COL5A2: variants seen among roughly 807,000 people sequenced by gnomAD.
COL5A2 encodes collagen type V alpha 2 chain, also known as collagen alpha-2(V) chain.
Under a neutral mutation model 208.2 loss-of-function variants are expected in COL5A2, and 23 were observed. The ratio of observed to expected loss-of-function variants is 0.11; its 90% confidence interval spans 0.08 to 0.16. COL5A2 has a LOEUF of 0.16. Ranked by LOEUF, COL5A2 falls within the 10% of genes least tolerant of loss-of-function variation. The pLI, the probability that COL5A2 is intolerant of heterozygous loss-of-function variation, is 1.00. For missense variants in COL5A2, 1,590 were observed against 1,956.4 expected, an observed-to-expected ratio of 0.81 and a Z score of 3.53; for synonymous variants, 625 against 628.5, an observed-to-expected ratio of 0.99 and a Z score of 0.08.
chr2:189,184,272 GA>G (rs1165835252), upstream of COL5A2, among the ~76,000 whole-genome samples: 59 of 145,156 alleles, frequency 4.1e-4, no homozygotes, highest in East Asian at 1.0e-3. Context: ...CCTAAAATTT[GA>G]AAAAAAAAAA....
Position 189,071,998 on chromosome 2 carries a change from T to TC in COL5A2, c.1158+41dup, listed in dbSNP as rs755809908. The TC allele has an allele frequency of 1.1e-5, 14 of 1,280,576 alleles. No individual in the cohort carries two copies. In the African/African-American group the frequency reaches 1.9e-4, roughly 17 times the overall value. 79.3% of individuals were successfully genotyped at this position (1,280,576 alleles called of 1,614,324 possible). A position where few individuals can be genotyped will look rare whatever the true frequency, so the allele number is the denominator to read the frequency against. ...ATTCTTCACTTTGGGACTCATGTAA[T>TC]CATGTAGCGTTAAATACTGTATATT... On this transcript the variant is annotated intron_variant, in intron 18 of 53. Coordinates refer to ENST00000374866, the MANE Select transcript of COL5A2 (RefSeq NM_000393.5).
At chr2:189,356,368 C>T in the COL5A2 span, among the ~76,000 whole-genome samples, 1 of 151,890 alleles carries the variant, frequency 6.6e-6, no homozygotes, top group South Asian at 2.1e-4. Context: ...CTTTCAGTTA[C>T]ACCAATCAAA....
rs1687959087 is a variant in COL5A2 at position 189,142,783 on chromosome 2, C to T, written c.98-32334G>A. ...CCTTTCTCAAACCTCAGCAATTGCC[C>T]TCAGTCGCACTCTGGCCCAATAACA... is the stretch of plus-strand genomic sequence containing the variant. On this transcript the variant is annotated intron_variant, in intron 1 of 53. Coordinates refer to ENST00000374866, the MANE Select transcript of COL5A2 (RefSeq NM_000393.5). 2.6e-5 allele frequency among the ~76,000 whole-genome samples: 4 copies of T among 152,176 alleles called. No individual in the cohort carries two copies. In the South Asian group the frequency reaches 8.3e-4, roughly 32 times the overall value.
the COL5A2 span, among the ~76,000 whole-genome samples, chr2:189,376,783 A>C: frequency 6.6e-6 from 1 of 152,212 alleles, no homozygotes; most frequent in East Asian, 1.9e-4. Context: ...CAAAGCACTT[A>C]TATCCACCTG....
At chr2:189,392,747 T>A in the COL5A2 span, among the ~76,000 whole-genome samples, 2 of 152,134 alleles carry the variant, frequency 1.3e-5, no homozygotes, top group African/African-American at 4.8e-5. Flanking sequence ...ATCATACTCA[T>A]CAAATGGCCC....
At chr2:189,123,798 T>C (rs944044117) in intron 1 of COL5A2, among the ~76,000 whole-genome samples, 12 of 152,306 alleles carry the variant, frequency 7.9e-5, no homozygotes, top group African/African-American at 2.9e-4. Context: ...ATTTTCCACA[T>C]AGTCCTAACA....
rs1019506931 is a variant in COL5A2 at position 189,060,767 on chromosome 2, G to A, written c.2048C>T (p.Pro683Leu). The A allele has an allele frequency of 5.0e-6, 8 of 1,613,486 alleles. No individual in the cohort carries two copies. The highest frequency in any genetic ancestry group is 3.4e-6 in the Non-Finnish European group (4 of 1,179,554). The change falls in exon 31 of 54, where the codon CCA becomes CTA. Residue 683 changes from proline to leucine, a missense_variant. Coordinates refer to ENST00000374866, the MANE Select transcript of COL5A2 (RefSeq NM_000393.5). ...PTGFQGLPGP[P>L]GPPGEGGKPG... is the part of the protein sequence containing the mutation. ...TTTTCCACCTTCTCCAGGAGGCCCTGGAGGACCAGGAAGCCCCTAAAACAA... is the reference window on the plus strand; with the variant it reads ...TTTTCCACCTTCTCCAGGAGGCCCTAGAGGACCAGGAAGCCCCTAAAACAA...
intron 1 of COL5A2, among the ~76,000 whole-genome samples, chr2:189,224,369 T>A (rs1689385768): frequency 6.6e-6 from 1 of 151,944 alleles, no homozygotes; most frequent in Admixed American, 6.6e-5. Flanking sequence ...TATAATAAAA[T>A]ATGAAAGAGG....
At chr2:189,382,400 T>G in the COL5A2 span, among the ~76,000 whole-genome samples, 1 of 152,072 alleles carries the variant, frequency 6.6e-6, no homozygotes, top group African/African-American at 2.4e-5. Flanking sequence ...AAATAAAGAT[T>G]TTTTAAAGAC....
the COL5A2 span, among the ~76,000 whole-genome samples, chr2:189,338,518 C>T: frequency 6.6e-6 from 1 of 152,054 alleles, no homozygotes; most frequent in African/African-American, 2.4e-5. Flanking sequence ...AGCCAGCTCC[C>T]CCATTCTTCA....
chr2:189,085,850 G>T, intron 9 of COL5A2, 78 bp from the exon 10 acceptor site: 1 of 1,213,214 alleles, frequency 8.2e-7, no homozygotes. Flanking sequence ...AATATACAGT[G>T]TAATTGTTTA....
chr2:189,230,673 T>A, the COL5A2 span, among the ~76,000 whole-genome samples: 5 of 151,878 alleles, frequency 3.3e-5, no homozygotes, highest in African/African-American at 4.8e-5. Flanking sequence ...TTATGTTTTT[T>A]AAAAATAACA....
chr2:189,066,530 A>G, intron 22 of COL5A2, 33 bp from the exon 23 acceptor site: 2 of 1,600,014 alleles, frequency 1.2e-6, no homozygotes, highest in Non-Finnish European at 1.7e-6. Flanking sequence ...TACCAGAAAG[A>G]CCCATCCAAC....
In COL5A2 at chr2:189,039,396, C is replaced by A. The variant is rs1685510645; in HGVS notation, c.3801G>T (p.Gly1267=). 1.2e-6 allele frequency: 2 copies of A among 1,613,918 alleles called. No individual in the cohort carries two copies. The highest frequency in any genetic ancestry group is 2.2e-5 in the South Asian group (2 of 91,044). ...APDDKNKTDP[G]VHATLKSLSS... The stretch of plus-strand genomic sequence containing the variant: ...TGAGTGACTTCAGGGTAGCATGAAC[C>A]CCTGGGTCCGTTTTGTTTTTGTCAT... Residue 1267 remains glycine, a synonymous_variant, in exon 51 of 54, where the codon GGG becomes GGT. Coordinates refer to ENST00000374866, the MANE Select transcript of COL5A2 (RefSeq NM_000393.5).
Position 189,033,742 on chromosome 2 carries a change from T to C in COL5A2, c.*328A>G, listed in dbSNP as rs980770902. On this transcript the variant is annotated 3_prime_UTR_variant, in exon 54 of 54. Coordinates refer to ENST00000374866, the MANE Select transcript of COL5A2 (RefSeq NM_000393.5). ...TTTCCTCATAAATACTAAGCAACTT[T>C]TTCATTACACTGAAATAAATTGAAG... The C allele has an allele frequency of 2.9e-6, 1 of 339,658 alleles. No homozygotes were observed. The allele number at this position is 339,658 out of a possible 1,614,324, so 21.0% of individuals were successfully genotyped here. A position where few individuals can be genotyped will look rare whatever the true frequency, so the allele number is the denominator to read the frequency against.
the COL5A2 span, among the ~76,000 whole-genome samples, chr2:189,361,329 T>C: frequency 2.0e-5 from 3 of 152,206 alleles, no homozygotes; most frequent in Non-Finnish European, 4.4e-5. Context: ...TTATATCCTC[T>C]TGCTGTGCTG....
chr2:189,171,402 G>C (rs1476916968), intron 1 of COL5A2, among the ~76,000 whole-genome samples: 3 of 152,168 alleles, frequency 2.0e-5, no homozygotes, highest in Non-Finnish European at 4.4e-5. Context: ...GAGAGGCAAG[G>C]AGATGAATTT....
intron 1 of COL5A2, among the ~76,000 whole-genome samples, chr2:189,198,936 AT>A (rs1186433409): frequency 1.3e-5 from 2 of 152,216 alleles, no homozygotes; most frequent in Middle Eastern, 3.4e-3. Context: ...TTAATTTACA[AT>A]TTTTTTCAAC....
rs772329527 is a variant in COL5A2, at chr2:189,045,786, G to A, written c.3309+14C>T. 6.2e-7 allele frequency: 1 copy of A among 1,607,412 alleles called. No individual in the cohort carries two copies. The highest frequency in any genetic ancestry group is 2.2e-5 in the East Asian group (1 of 44,814). ...TGTGCAAAACTGTCAGTGTGAAATT[G>A]ACTCCCTCCTTACCGGATCTCCTCT... On this transcript the variant is annotated intron_variant, in intron 46 of 53. Transcript: ENST00000374866.
Sources: allele counts gnomAD v4.1 joint callset (sites outside exome capture counted in the v4.1 genomes callset), GRCh38; gene constraint gnomAD v4.1.1; transcripts MANE v1.5; gene names NCBI Gene and HGNC (gene_info 2026-07-23, HGNC 2026-07-21).